KCNG1: variants seen among roughly 807,000 people sequenced by gnomAD.
The protein encoded by KCNG1 is potassium voltage-gated channel modifier subfamily G member 1, also known as voltage-gated potassium channel regulatory subunit KCNG1.
KCNG1 carries 17 observed loss-of-function variants against 32.4 expected under a neutral mutation model. The ratio of observed to expected loss-of-function variants is 0.52; its 90% CI spans 0.36 to 0.79. The LOEUF is 0.79. KCNG1 is among the 30% of genes least tolerant of loss of function. The probability of loss-of-function intolerance (pLI) is 0.00; values close to 1 mark genes in which losing one functional copy is unlikely to be tolerated. For synonymous variants in KCNG1, 358 were observed against 339.9 expected, an observed-to-expected ratio of 1.05 and a Z score of -0.59; for missense variants, 441 against 735.2, an observed-to-expected ratio of 0.60 and a Z score of 4.63.
chr20:51,021,116 C>T (rs1404919890), intron 1 of KCNG1, among the ~76,000 whole-genome samples: 1 of 152,226 alleles, frequency 6.6e-6, no homozygotes, highest in Non-Finnish European at 1.5e-5. Context: ...CGGGCCTGGG[C>T]TCTCAAGTCT....
chr20:51,016,499 G>C (rs1988285399), intron 1 of KCNG1, among the ~76,000 whole-genome samples: 1 of 152,170 alleles, frequency 6.6e-6, no homozygotes, highest in African/African-American at 2.4e-5. Context: ...CCAGCTTGGG[G>C]GACAATGTGC....
At chr20:51,020,890 T>C (rs1184704840) in intron 1 of KCNG1, among the ~76,000 whole-genome samples, 1 of 152,198 alleles carries the variant, frequency 6.6e-6, no homozygotes. Context: ...GCTGTGGGTC[T>C]GGTGCAGAGA....
intron 1 of KCNG1, among the ~76,000 whole-genome samples, chr20:51,013,026 G>A (rs868843033): frequency 5.3e-5 from 8 of 150,266 alleles, no homozygotes; most frequent in Middle Eastern, 3.7e-3. Context: ...GCCCTCGACC[G>A]GGTGCGGTGG....
intron 1 of KCNG1, among the ~76,000 whole-genome samples, chr20:51,022,016 G>A (rs374315705): frequency 6.6e-6 from 1 of 152,152 alleles, no homozygotes; most frequent in East Asian, 1.9e-4. Context: ...TGGCCACCCC[G>A]GCAGTCTGCG....
intron 1 of KCNG1, among the ~76,000 whole-genome samples, chr20:51,018,505 G>GACCCT (rs1457120868): frequency 6.6e-6 from 1 of 152,160 alleles, no homozygotes; most frequent in African/African-American, 2.4e-5. Flanking sequence ...GGCCTCTCTG[G>GACCCT]ACCCTGTTCT....
At chr20:51,021,411 G>A (rs1327858293) in intron 1 of KCNG1, among the ~76,000 whole-genome samples, 4 of 152,320 alleles carry the variant, frequency 2.6e-5, no homozygotes, top group African/African-American at 9.6e-5. Context: ...GCATGCCCTA[G>A]CCACAGTGCC....
chr20:51,022,505 C>G (rs1988518436), intron 1 of KCNG1: 1 of 152,260 alleles, frequency 6.6e-6, no homozygotes, highest in Admixed American at 6.5e-5. Context: ...CTCCCCCACC[C>G]CAATCCCTAA....
chr20:51,012,119 C>CTT (rs1988116266), intron 1 of KCNG1, among the ~76,000 whole-genome samples: 1 of 152,138 alleles, frequency 6.6e-6, no homozygotes, highest in African/African-American at 2.4e-5. Flanking sequence ...AAAGGGACAA[C>CTT]TAATATTGTT....
In KCNG1 at chr20:51,004,485, G is replaced by A; in HGVS notation, c.1096C>T (p.Leu366=). The change falls in exon 3 of 3, where the codon CTG becomes TTG. Residue 366 remains leucine (L), a synonymous_variant. Transcript: ENST00000371571. This position sits in a 1 kb window ranked among gnomAD's most constrained non-coding sequence, Gnocchi z 4.3. The part of the protein sequence containing the change: ...LARHSLGLQT[L]GLTARRCTRE... ...GTGCAGCGGCGGGCCGTGAGCCCCA[G>A]CGTCTGCAGCCCCAGGGAGTGGCGC... The A allele has an allele frequency of 6.3e-7, 1 of 1,597,214 alleles. No individual in the cohort carries two copies. The highest frequency in any genetic ancestry group is 8.5e-7 in the Non-Finnish European group (1 of 1,172,528).
chr20:51,019,522 T>A (rs6096228), intron 1 of KCNG1, among the ~76,000 whole-genome samples: 14,747 of 151,358 alleles, frequency 0.097, 967 homozygotes, highest in East Asian at 0.28. Context: ...AAAATAATAA[T>A]AATAATAATA....
rs1987714246 is a variant in KCNG1, at chr20:51,003,966, C to T, written c.*73G>A. 7 of 1,535,774 alleles carry T rather than the reference C, an allele frequency of 4.6e-6. No homozygotes were observed. In the Admixed American group the frequency reaches 7.0e-5, roughly 15 times the overall value. On this transcript the variant is annotated 3_prime_UTR_variant, in exon 3 of 3. Coordinates refer to ENST00000371571, the MANE Select transcript of KCNG1 (RefSeq NM_002237.4). The stretch of plus-strand genomic sequence containing the variant: ...CTGCACTCGGAAGCGGCCTGTCCCT[C>T]TCCAGGCGTCTGCAGTGGATGGCAA...
At chr20:51,012,071 G>T (rs1206978669) in intron 1 of KCNG1, among the ~76,000 whole-genome samples, 1 of 152,230 alleles carries the variant, frequency 6.6e-6, no homozygotes, top group African/African-American at 2.4e-5. Context: ...GGGATTACAG[G>T]TGTGAGCTAC....
At chr20:51,009,160 G>C (rs979828414) in intron 2 of KCNG1, among the ~76,000 whole-genome samples, 2 of 152,214 alleles carry the variant, frequency 1.3e-5, no homozygotes, top group Non-Finnish European at 2.9e-5. Context: ...GATTAGGAAC[G>C]TTGAGAAAGG....
Position 51,004,510 on chromosome 20 carries a change from C to G in KCNG1, c.1071G>C (p.Ala357=), listed in dbSNP as rs777380040. The G allele has an allele frequency of 6.3e-7, 1 of 1,591,406 alleles. No homozygotes were observed. Among genetic ancestry groups the G allele is most frequent in the East Asian group, 2.3e-5 (1 of 43,756 alleles). The change falls in exon 3 of 3, where the codon GCG becomes GCC. Residue 357 remains alanine, a synonymous_variant. Coordinates refer to ENST00000371571, the MANE Select transcript of KCNG1 (RefSeq NM_002237.4). The surrounding 1 kb of genome is among the most constrained non-coding windows in gnomAD (Gnocchi z 4.3). ...ALRILYVMRL[A]RHSLGLQTLG... Reference sequence around the variant, plus strand: ...GCGTCTGCAGCCCCAGGGAGTGGCGCGCCAGGCGCATCACGTACAGGATGC... The same window carrying G: ...GCGTCTGCAGCCCCAGGGAGTGGCGGGCCAGGCGCATCACGTACAGGATGC...
intron 1 of KCNG1, among the ~76,000 whole-genome samples, chr20:51,019,485 G>C (rs1442972713): frequency 1.3e-5 from 2 of 151,984 alleles, no homozygotes; most frequent in Admixed American, 1.3e-4. Flanking sequence ...CACTCCAGCT[G>C]GGTGATAGAG....
At chr20:51,016,730 C>A (rs755687637) in intron 1 of KCNG1, among the ~76,000 whole-genome samples, 1 of 152,210 alleles carries the variant, frequency 6.6e-6, no homozygotes, top group Admixed American at 6.5e-5. Context: ...CCATGCCTGA[C>A]GCTGAGTGAA....
intron 1 of KCNG1, among the ~76,000 whole-genome samples, chr20:51,011,603 G>T (rs1988097191): frequency 6.6e-6 from 1 of 152,178 alleles, no homozygotes; most frequent in African/African-American, 2.4e-5. Context: ...CCTGGTTAAT[G>T]GTTATGAACG....
Position 51,004,639 on chromosome 20 carries a change from G to T in KCNG1, c.942C>A (p.Ile314=), listed in dbSNP as rs149675848. The change falls in exon 3 of 3, where the codon ATC becomes ATA. Residue 314 remains isoleucine (I), a synonymous_variant. Transcript: ENST00000371571. This position sits in a 1 kb window ranked among gnomAD's most constrained non-coding sequence, Gnocchi z 4.3. ...CGGCGGCGCCGTCCACCAGCAGCGT[G>T]ATGTAGTAGGGCAGGATGGCCACCA... ...IDLVAILPYY[I]TLLVDGAAAG... 2.9e-4 allele frequency: 466 copies of T among 1,599,462 alleles called. 2 individuals carry two copies. In the African/African-American group the frequency reaches 5.8e-3, roughly 20 times the overall value.
intron 2 of KCNG1, chr20:51,006,962 A>G (rs1425226736): frequency 1.3e-5 from 2 of 152,392 alleles, no homozygotes; most frequent in African/African-American, 2.4e-5. Flanking sequence ...GCCCACAGCT[A>G]CTACACAGCT....
Sources: gnomAD v4.1 joint callset for allele counts (sites outside exome capture counted in the v4.1 genomes callset) on GRCh38, gnomAD v4.1.1 for gene constraint, Gnocchi (gnomAD v3.1) non-coding constraint, MANE v1.5 for transcripts, NCBI Gene and HGNC (gene_info 2026-07-23, HGNC 2026-07-21) for gene names.